The following TMC1 variants were observed in gnomAD, a reference collection of about 807,000 sequenced individuals.
TMC1 encodes the protein transmembrane channel-like protein 1.
A neutral mutation model predicts 105.8 loss-of-function variants in TMC1; 84 were observed. The ratio of observed to expected loss-of-function variants is 0.79; its 90% CI spans 0.67 to 0.95. TMC1 has a LOEUF of 0.95. TMC1 is among the 40% of genes least tolerant of loss of function. TMC1 has a pLI of 0.00. For missense variants in TMC1, 817 were observed against 914.1 expected (o/e 0.89, Z 1.37); for synonymous variants, 315 against 311.5 (o/e 1.01, Z -0.12).
At chr9:72,728,028 T>C (rs1015946804) in intron 8 of TMC1, among the ~76,000 whole-genome samples, 4 of 152,104 alleles carry the variant, frequency 2.6e-5, no homozygotes, top group African/African-American at 9.7e-5. Context: ...TTTCCCTCCA[T>C]CAATTTTAGA....
At chr9:72,630,842 T>G (rs1415834947) in intron 4 of TMC1, among the ~76,000 whole-genome samples, 2 of 152,012 alleles carry the variant, frequency 1.3e-5, no homozygotes, top group African/African-American at 4.8e-5. Flanking sequence ...TAATTTTTTC[T>G]TTCTATTTTT....
At chr9:72,595,625 C>T (rs1227694633) in intron 2 of TMC1, among the ~76,000 whole-genome samples, 3 of 149,540 alleles carry the variant, frequency 2.0e-5, no homozygotes, top group African/African-American at 4.9e-5. Flanking sequence ...ACAGGTTTTA[C>T]ATCAATGGGG....
At chr9:72,594,555 C>A (rs1022664979) in intron 2 of TMC1, among the ~76,000 whole-genome samples, 29 of 152,170 alleles carry the variant, frequency 1.9e-4, no homozygotes, top group African/African-American at 6.3e-4. Context: ...AAATAATCAA[C>A]ATGCCACATC....
At chr9:72,799,021 T>C (rs1828423714) in intron 17 of TMC1, among the ~76,000 whole-genome samples, 1 of 152,088 alleles carries the variant, frequency 6.6e-6, no homozygotes, top group South Asian at 2.1e-4. Flanking sequence ...AAAGAAATAA[T>C]GTTTCATATG....
chr9:72,769,054 C>G (rs545295067), intron 12 of TMC1, among the ~76,000 whole-genome samples: 29 of 152,276 alleles, frequency 1.9e-4, no homozygotes, highest in Non-Finnish European at 3.4e-4. Flanking sequence ...ATAACTCTTG[C>G]TGGATAAAGA....
intron 2 of TMC1, among the ~76,000 whole-genome samples, chr9:72,590,543 C>T (rs1488420761): frequency 6.6e-6 from 1 of 152,190 alleles, no homozygotes; most frequent in Non-Finnish European, 1.5e-5. Flanking sequence ...ATTCTTTCGA[C>T]TCGGTTTCCT....
At chr9:72,538,797 T>C (rs1478877951) in intron 1 of TMC1, among the ~76,000 whole-genome samples, 2 of 152,200 alleles carry the variant, frequency 1.3e-5, no homozygotes, top group Non-Finnish European at 2.9e-5. Flanking sequence ...TGTGATGCTA[T>C]ATCAGAGTCG....
chr9:72,712,286 T>C (rs1826849863), intron 8 of TMC1, among the ~76,000 whole-genome samples: 1 of 152,174 alleles, frequency 6.6e-6, no homozygotes, highest in African/African-American at 2.4e-5. Flanking sequence ...TGTAAAGTAG[T>C]TTTTTTCAAG....
At chr9:72,762,998 G>A (rs1014726555) in intron 12 of TMC1, among the ~76,000 whole-genome samples, 6 of 151,924 alleles carry the variant, frequency 3.9e-5, no homozygotes, top group Non-Finnish European at 5.9e-5. Flanking sequence ...AGCTTGTGAC[G>A]AGAGAGATTC....
intron 1 of TMC1, among the ~76,000 whole-genome samples, chr9:72,572,898 A>G (rs1026533726): frequency 1.3e-5 from 2 of 152,126 alleles, no homozygotes; most frequent in African/African-American, 4.8e-5. Flanking sequence ...AGGCTGAGGC[A>G]GGAGAATCGT....
intron 11 of TMC1, among the ~76,000 whole-genome samples, chr9:72,753,955 G>A (rs920121306): frequency 6.6e-6 from 1 of 152,188 alleles, no homozygotes; most frequent in African/African-American, 2.4e-5. Context: ...GGGAGGTTGT[G>A]CAGCTTGTGC....
intron 23 of TMC1, among the ~76,000 whole-genome samples, chr9:72,831,472 T>C (rs188749416): frequency 6.6e-6 from 1 of 152,230 alleles, no homozygotes; most frequent in Admixed American, 6.5e-5. Context: ...AGTTCTAGGG[T>C]ACATGTGCAC....
At chr9:72,538,397 GTATTGTATT>G (rs1315605927) in intron 1 of TMC1, among the ~76,000 whole-genome samples, 44 of 117,390 alleles carry the variant, frequency 3.7e-4, no homozygotes, top group African/African-American at 1.5e-3. Flanking sequence ...TAAAATACTT[GTATTGTATT>G]GTATTGTATT....
At chr9:72,646,702 C>T (rs1024823185) in intron 4 of TMC1, among the ~76,000 whole-genome samples, 34 of 151,690 alleles carry the variant, frequency 2.2e-4, no homozygotes, top group Admixed American at 2.0e-3. Flanking sequence ...GGCACTATCT[C>T]GACTCACTGC....
At chr9:72,827,635 C>T (rs1237021818) in intron 21 of TMC1, among the ~76,000 whole-genome samples, 3 of 152,166 alleles carry the variant, frequency 2.0e-5, no homozygotes, top group African/African-American at 7.2e-5. Flanking sequence ...CTTTCATTGG[C>T]TTCTGACTCT....
chr9:72,596,173 C>T (rs1393654133), intron 2 of TMC1, among the ~76,000 whole-genome samples: 1 of 152,190 alleles, frequency 6.6e-6, no homozygotes, highest in African/African-American at 2.4e-5. Context: ...CCGCGCCCAG[C>T]CAACTCTCAA....
At chr9:72,589,553 T>C (rs1824602592) in intron 2 of TMC1, among the ~76,000 whole-genome samples, 1 of 152,180 alleles carries the variant, frequency 6.6e-6, no homozygotes, top group Non-Finnish European at 1.5e-5. Context: ...GGCTCTGAGC[T>C]TCAAGGTTCA....
At chr9:72,633,656 G>A (rs1825485737) in intron 4 of TMC1, among the ~76,000 whole-genome samples, 1 of 152,068 alleles carries the variant, frequency 6.6e-6, no homozygotes, top group South Asian at 2.1e-4. Context: ...CTTTTTGACT[G>A]GCACAAGACA....
chr9:72,566,559 C>A (rs1449460138), intron 1 of TMC1, among the ~76,000 whole-genome samples: 3 of 152,058 alleles, frequency 2.0e-5, no homozygotes, highest in South Asian at 2.1e-4. Flanking sequence ...AGAGAACAGG[C>A]CCTTTGTGGA....
Sources: allele counts gnomAD v4.1 joint callset (sites outside exome capture counted in the v4.1 genomes callset), GRCh38; gene constraint gnomAD v4.1.1; transcripts MANE v1.5; gene names NCBI Gene and HGNC (gene_info 2026-07-23, HGNC 2026-07-21).